The following TBCK variants were observed in gnomAD, a reference collection of about 807,000 sequenced individuals.
TBCK encodes TBC1 domain containing kinase.
In TBCK, 99 loss-of-function variants were observed where a neutral mutation model predicts 113.4. That is an observed-to-expected ratio of 0.87 (90% confidence interval 0.74 to 1.03). The LOEUF is 1.03. Among genes scored for constraint, TBCK ranks in the 50% least tolerant of loss-of-function variants. The pLI, the probability that TBCK is intolerant of heterozygous loss-of-function variation, is 0.00. For missense variants in TBCK, 1,045 were observed against 1,061.3 expected, an observed-to-expected ratio of 0.98 and a Z score of 0.21; for synonymous variants, 369 against 370.8, an observed-to-expected ratio of 1.00 and a Z score of 0.05.
At chr4:106,151,731 C>A (rs1477731189) in intron 23 of TBCK, among the ~76,000 whole-genome samples, 1 of 151,910 alleles carries the variant, frequency 6.6e-6, no homozygotes, top group Non-Finnish European at 1.5e-5. Context: ...AACATGGAAT[C>A]TCTTTCCTTT....
rs78471729 is a variant in TBCK, at chr4:106,250,699, T to C, written c.598-221A>G. On this transcript the variant is annotated intron_variant, in intron 6 of 25. Transcript: ENST00000394708. ...AGTTATCATTTAAACATTTTATACATCTAAGGGTCATTACATTCTAGTTTG... is the reference window on the plus strand; with the variant it reads ...AGTTATCATTTAAACATTTTATACACCTAAGGGTCATTACATTCTAGTTTG... 9.9e-3 allele frequency among the ~76,000 whole-genome samples: 1,499 copies of C among 152,094 alleles called. 7 individuals are homozygous for C. Among genetic ancestry groups the C allele is most frequent in the Non-Finnish European group, 0.018 (1,196 of 67,908 alleles).
intron 22 of TBCK, among the ~76,000 whole-genome samples, chr4:106,181,297 A>T (rs1047029266): frequency 2.6e-5 from 4 of 151,914 alleles, no homozygotes; most frequent in African/African-American, 4.8e-5. Flanking sequence ...GATTGCAAAA[A>T]TTTTCTCCCA....
chr4:106,127,172 C>T (rs904769911), intron 23 of TBCK, among the ~76,000 whole-genome samples: 1 of 134,038 alleles, frequency 7.5e-6, no homozygotes, highest in Non-Finnish European at 1.5e-5. Flanking sequence ...CGTGCCACTG[C>T]ACTCCAGCCT....
At chr4:106,247,317 A>G (rs1760950200) in intron 9 of TBCK, 30 bp from the exon 10 acceptor site, 1 of 1,600,766 alleles carries the variant, frequency 6.2e-7, no homozygotes, top group Non-Finnish European at 8.5e-7. Flanking sequence ...CAGAGCATGA[A>G]TGAAAGTCAT....
chr4:106,152,934 A>G (rs1336696592), intron 23 of TBCK, among the ~76,000 whole-genome samples: 1 of 151,748 alleles, frequency 6.6e-6, no homozygotes, highest in Non-Finnish European at 1.5e-5. Context: ...CTCCTTTTAA[A>G]TCTCTGTTTA....
At chr4:106,290,647 T>G (rs1435300802) in intron 3 of TBCK, among the ~76,000 whole-genome samples, 1 of 152,218 alleles carries the variant, frequency 6.6e-6, no homozygotes, top group Non-Finnish European at 1.5e-5. Context: ...AAGGCTATAG[T>G]GTACAACAGG....
chr4:106,195,492 T>TGTGTGTGTGTGTGTG (rs371211369), intron 20 of TBCK, among the ~76,000 whole-genome samples: 15,185 of 148,974 alleles, frequency 0.1, 909 homozygotes, highest in Middle Eastern at 0.19. Flanking sequence ...ATGTGTGTGT[T>TGTGTGTGTGTGTGTG]TGTGTGTGTG....
chr4:106,247,497 A>T (rs1227498605), intron 9 of TBCK: 1 of 457,558 alleles, frequency 2.2e-6, no homozygotes, highest in Non-Finnish European at 3.8e-6. Flanking sequence ...CTTATGTTGT[A>T]CTTTACCTCA....
chr4:106,221,159 AT>A (rs1271839652), intron 19 of TBCK, among the ~76,000 whole-genome samples: 1 of 152,104 alleles, frequency 6.6e-6, no homozygotes, highest in Non-Finnish European at 1.5e-5. Flanking sequence ...TAATTTTTGT[AT>A]TTTTAGTAGA....
At chr4:106,105,008 G>A (rs187955681) in intron 24 of TBCK, among the ~76,000 whole-genome samples, 5 of 152,322 alleles carry the variant, frequency 3.3e-5, no homozygotes, top group Non-Finnish European at 2.9e-5. Flanking sequence ...CAGAGCTATC[G>A]AGCCAGTGCG....
rs760445771 is a variant in TBCK at position 106,233,668 on chromosome 4, A to C, written c.1450-18T>G. 1.9e-5 allele frequency: 30 copies of C among 1,571,468 alleles called. 1 individual carries two copies. The Middle Eastern group carries it at 9.8e-4, about 51-fold the overall frequency. ...ATAGCTCCCTGCAAAAAATAAAAGA[A>C]GATATATTAATTTATCATATCCTTA... is the stretch of plus-strand genomic sequence containing the variant. On this transcript the variant is annotated intron_variant, in intron 15 of 25. Transcript: ENST00000394708.
chr4:106,291,371 A>G (rs547707428), intron 3 of TBCK, among the ~76,000 whole-genome samples: 1 of 152,330 alleles, frequency 6.6e-6, no homozygotes, highest in East Asian at 1.9e-4. Flanking sequence ...AGAAGACTCT[A>G]AGACTGCCAA....
intron 25 of TBCK, among the ~76,000 whole-genome samples, chr4:106,074,456 A>G (rs1013053351): frequency 2.0e-5 from 3 of 152,196 alleles, no homozygotes; most frequent in African/African-American, 7.2e-5. Context: ...TCTGTGATGA[A>G]CCATATATGC....
At chr4:106,056,427 G>GTC (rs1231411818) in intron 25 of TBCK, among the ~76,000 whole-genome samples, 1 of 146,410 alleles carries the variant, frequency 6.8e-6, no homozygotes, top group East Asian at 2.0e-4. Flanking sequence ...CTGTCTCTAA[G>GTC]TATCTCTCTC....
At position 106,139,715 on chromosome 4, in the gene TBCK, A is replaced by G. The variant is rs1374663509; in HGVS notation, c.2236-23337T>C. ...TCATAGAGATGTACTTTGAGTTTGT[A>G]ATAGTATGACATATATTATGGAATA... is the stretch of plus-strand genomic sequence containing the variant. On this transcript the variant is annotated intron_variant, in intron 23 of 25. Coordinates refer to ENST00000394708, the MANE Select transcript of TBCK (RefSeq NM_001163435.3). Among the ~76,000 whole-genome samples, 4 of 141,700 alleles carry G rather than the reference A, an allele frequency of 2.8e-5. 1 individual carries two copies. The highest frequency in any genetic ancestry group is 2.8e-4 in the Admixed American group (4 of 14,336). The allele number at this position is 141,700 out of a possible 152,430, so 93.0% of individuals were successfully genotyped here. A position where few individuals can be genotyped will look rare whatever the true frequency, so the allele number is the denominator to read the frequency against.
At chr4:106,053,950 T>C (rs1319600172) in intron 25 of TBCK, among the ~76,000 whole-genome samples, 1 of 151,740 alleles carries the variant, frequency 6.6e-6, no homozygotes, top group Non-Finnish European at 1.5e-5. Context: ...TAATATTGTA[T>C]TAGCTCAAGT....
At chr4:106,311,041 AT>A (rs1315068041) in intron 1 of TBCK, among the ~76,000 whole-genome samples, 3 of 152,314 alleles carry the variant, frequency 2.0e-5, no homozygotes, top group East Asian at 3.9e-4. Context: ...AAAAATTTTT[AT>A]CTACTGGACA....
intron 24 of TBCK, among the ~76,000 whole-genome samples, chr4:106,106,503 GA>G (rs940515094): frequency 6.6e-6 from 1 of 151,698 alleles, no homozygotes; most frequent in South Asian, 2.1e-4. Flanking sequence ...TGTTCTGAAA[GA>G]AAAAAAATCT....
At chr4:106,250,156 T>G (rs572799971) in intron 7 of TBCK, among the ~76,000 whole-genome samples, 1 of 152,224 alleles carries the variant, frequency 6.6e-6, no homozygotes, top group Non-Finnish European at 1.5e-5. Flanking sequence ...CACAAGTTAA[T>G]TTACTTGGCT....
Sources: allele counts gnomAD v4.1 joint callset (sites outside exome capture counted in the v4.1 genomes callset), GRCh38; gene constraint gnomAD v4.1.1; transcripts MANE v1.5; gene names NCBI Gene and HGNC (gene_info 2026-07-23, HGNC 2026-07-21).